The following PSMA2 variants were observed in gnomAD, a reference collection of about 807,000 sequenced individuals.
PSMA2 encodes proteasome subunit alpha type-2.
Under a neutral mutation model 35.9 loss-of-function variants are expected in PSMA2, and 2 were observed. That is an observed-to-expected ratio of 0.06 (90% confidence interval 0.02 to 0.18). The LOEUF (loss-of-function observed/expected upper bound fraction) is 0.18. Ranked by LOEUF, PSMA2 falls within the 10% of genes least tolerant of loss-of-function variation. The pLI, the probability that PSMA2 is intolerant of heterozygous loss-of-function variation, is 1.00. For missense variants in PSMA2, 126 were observed against 278.8 expected (o/e 0.45, Z 3.90); for synonymous variants, 97 against 98.2 (o/e 0.99, Z 0.07).
At chr7:42,926,076 A>C (rs1395382804) in intron 3 of PSMA2, among the ~76,000 whole-genome samples, 1 of 152,244 alleles carries the variant, frequency 6.6e-6, no homozygotes, top group East Asian at 1.9e-4. Flanking sequence ...AACAACTTGC[A>C]GTGGTGTTTG....
At chr7:42,923,507 CTG>C in intron 4 of PSMA2, 101 bp from the exon 5 acceptor site, 1 of 803,154 alleles carries the variant, frequency 1.2e-6, no homozygotes, top group Non-Finnish European at 2.1e-6. Context: ...ATCAGGCAAA[CTG>C]AATTAGACTT....
At chr7:42,932,045 G>A (rs767531617) in intron 1 of PSMA2, 73 bp downstream of exon 1, 16 of 1,589,542 alleles carry the variant, frequency 1.0e-5, no homozygotes, top group East Asian at 4.5e-5. Flanking sequence ...CCGACGTCAG[G>A]ATGGGAAAAA....
chr7:42,927,200 C>T (rs1018980296), intron 2 of PSMA2, among the ~76,000 whole-genome samples, 183 bp downstream of exon 2: 1 of 152,118 alleles, frequency 6.6e-6, no homozygotes, highest in Non-Finnish European at 1.5e-5. Context: ...TTACTATTTA[C>T]TTTGAAAAGA....
At chr7:42,920,740 T>G (rs559699529) in intron 6 of PSMA2, 81 of 152,348 alleles carry the variant, frequency 5.3e-4, no homozygotes, top group African/African-American at 1.8e-3. Flanking sequence ...AGATTTTTAA[T>G]AACCTTAACG....
chr7:42,927,155 A>T (rs1047120297), intron 2 of PSMA2, among the ~76,000 whole-genome samples: 1 of 152,246 alleles, frequency 6.6e-6, no homozygotes, highest in African/African-American at 2.4e-5. Flanking sequence ...AATGAGAAAG[A>T]CTATTGTGAA....
chr7:42,919,777 G>A (rs1417563397), intron 6 of PSMA2: 4 of 654,120 alleles, frequency 6.1e-6, no homozygotes, highest in African/African-American at 1.8e-5. Context: ...TGGTGAAGAT[G>A]TTAAACTTAT....
intron 2 of PSMA2, 147 bp downstream of exon 2, chr7:42,927,236 C>T: frequency 1.5e-6 from 1 of 666,950 alleles, no homozygotes; most frequent in Non-Finnish European, 2.5e-6. Flanking sequence ...AGACTTATTA[C>T]TATTTAAACT....
chr7:42,921,795 A>G lies in PSMA2; in HGVS notation c.530+63T>C. On this transcript the variant is annotated intron_variant, in intron 6 of 7. Transcript: ENST00000223321. ...TTAGTCCCATGATATTAATTTACTT[A>G]AAGAGCACCAAAAACCATAAAGTGA... is the stretch of plus-strand genomic sequence containing the variant. 5 of 1,335,404 alleles carry G rather than the reference A, an allele frequency of 3.7e-6. No homozygotes were observed. In the Middle Eastern group the frequency reaches 7.3e-4, roughly 196 times the overall value. The allele number at this position is 1,335,404 out of a possible 1,614,324, so 82.7% of individuals were successfully genotyped here. A position where few individuals can be genotyped will look rare whatever the true frequency, so the allele number is the denominator to read the frequency against.
chr7:42,921,412 C>T (rs1786127490), intron 6 of PSMA2: 1 of 152,452 alleles, frequency 6.6e-6, no homozygotes. Flanking sequence ...TAGTGCTCCA[C>T]TTTTTATCAA....
chr7:42,931,393 C>A (rs1583610782), intron 1 of PSMA2, among the ~76,000 whole-genome samples: 2 of 152,296 alleles, frequency 1.3e-5, no homozygotes, highest in African/African-American at 4.8e-5. Context: ...TTCGCCCCAA[C>A]TGTATTTTGG....
intron 1 of PSMA2, among the ~76,000 whole-genome samples, chr7:42,929,619 T>G (rs1043571966): frequency 7.1e-6 from 1 of 141,416 alleles, no homozygotes; most frequent in African/African-American, 2.5e-5. Context: ...GGTTTTCCTC[T>G]TTCTCAACCT....
chr7:42,924,474 C>T (rs1786177917), intron 4 of PSMA2, among the ~76,000 whole-genome samples: 1 of 151,048 alleles, frequency 6.6e-6, no homozygotes, highest in Admixed American at 6.6e-5. Flanking sequence ...TCTGCTGTTA[C>T]ATAAGCAACA....
intron 2 of PSMA2, among the ~76,000 whole-genome samples, chr7:42,926,939 CAT>C (rs977137952): frequency 3.2e-4 from 49 of 152,298 alleles, no homozygotes; most frequent in African/African-American, 9.1e-4. Flanking sequence ...TGAGAGTTCA[CAT>C]GTTTTAAAAT....
intron 6 of PSMA2, chr7:42,919,797 G>A: frequency 2.9e-6 from 2 of 681,756 alleles, no homozygotes; most frequent in Non-Finnish European, 5.5e-6. Flanking sequence ...TAAGTATGAT[G>A]ATAATAGTGG....
At chr7:42,926,715 T>A in intron 2 of PSMA2, 47 bp from the exon 3 acceptor site, 20 of 1,542,210 alleles carry the variant, frequency 1.3e-5, no homozygotes, top group Non-Finnish European at 1.7e-5. Flanking sequence ...TTTTTAAGAC[T>A]GTTTTAACAG....
At chr7:42,924,165 G>A (rs1786168773) in intron 4 of PSMA2, among the ~76,000 whole-genome samples, 1 of 142,146 alleles carries the variant, frequency 7.0e-6, no homozygotes, top group Non-Finnish European at 1.5e-5. Flanking sequence ...CCAACATAGT[G>A]AAACCACATC....
rs201793962 is a variant in PSMA2 at position 42,932,126 on chromosome 7, A to G, written c.33T>C (p.Thr11=). The G allele has an allele frequency of 2.5e-6, 4 of 1,614,186 alleles. No homozygotes were observed. The East Asian group carries it at 8.9e-5, about 36-fold the overall frequency. ...GAGGGCCCCTTCCATACCTGAATGT[A>G]GTCAGCGAAAAGCTGTACCCGCGCT... The part of the protein sequence containing the change: MAERGYSFSL[T]TFSPSGKLVQ... The change falls in exon 1 of 8, where the codon ACT becomes ACC. Residue 11 remains threonine (T), a synonymous_variant. Coordinates refer to ENST00000223321, the MANE Select transcript of PSMA2 (RefSeq NM_002787.5).
intron 2 of PSMA2, 125 bp downstream of exon 2, chr7:42,927,258 T>C (rs1356119619): frequency 4.6e-6 from 4 of 863,642 alleles, no homozygotes; most frequent in Non-Finnish European, 7.1e-6. Flanking sequence ...CAAAACACTG[T>C]AAATTAACAA....
chr7:42,918,493 G>A (rs638171), intron 6 of PSMA2: 128,745 of 152,188 alleles, frequency 0.85, 54,654 homozygotes, highest in South Asian at 0.91. Flanking sequence ...GGTGCGAAGA[G>A]TGGCTGGGTC....
Sources: allele counts gnomAD v4.1 joint callset (sites outside exome capture counted in the v4.1 genomes callset), GRCh38; gene constraint gnomAD v4.1.1; transcripts MANE v1.5; gene names NCBI Gene and HGNC (gene_info 2026-07-23, HGNC 2026-07-21).